Variants in TICRR observed in about 807,000 individuals in gnomAD.
TICRR encodes the protein TOPBP1 interacting checkpoint and replication regulator, also known as treslin.
In TICRR, 132 loss-of-function variants were observed where a neutral mutation model predicts 178.1. The ratio of observed to expected loss-of-function variants is 0.74; its 90% CI spans 0.64 to 0.86. The LOEUF is 0.86. Among genes scored for constraint, TICRR ranks in the 40% least tolerant of loss-of-function variants. The probability of loss-of-function intolerance (pLI) is 0.00; values close to 1 mark genes in which losing one functional copy is unlikely to be tolerated. For synonymous variants in TICRR, 991 were observed against 900.7 expected (o/e 1.10, Z -1.79); for missense variants, 2,587 against 2,334.3 (o/e 1.11, Z -2.23).
chr15:89,599,553 CT>C, intron 8 of TICRR, 78 bp downstream of exon 8: 1 of 1,427,986 alleles, frequency 7.0e-7, no homozygotes, highest in African/African-American at 1.4e-5. Context: ...TGGTTAGTGT[CT>C]TGGAAAATGT....
At chr15:89,579,189 A>G (rs144962865) in intron 1 of TICRR, among the ~76,000 whole-genome samples, 3 of 152,356 alleles carry the variant, frequency 2.0e-5, no homozygotes, top group African/African-American at 7.2e-5. Context: ...CTAAGGAATC[A>G]AATAGATGTG....
chr15:89,614,860 A>C (rs191486357), intron 15 of TICRR, among the ~76,000 whole-genome samples: 1 of 152,146 alleles, frequency 6.6e-6, no homozygotes, highest in African/African-American at 2.4e-5. Context: ...CACAGCCCCT[A>C]CTGAGGGGCT....
intron 13 of TICRR, among the ~76,000 whole-genome samples, chr15:89,606,171 G>A (rs1057046934): frequency 3.9e-5 from 6 of 152,156 alleles, no homozygotes; most frequent in East Asian, 1.9e-4. Context: ...ATGCAGATCC[G>A]TTATATACAT....
chr15:89,595,175 C>T (rs8037793), intron 6 of TICRR, among the ~76,000 whole-genome samples: 127,138 of 152,184 alleles, frequency 0.84, 53,686 homozygotes, highest in Non-Finnish European at 0.92. Context: ...AATCCAATCA[C>T]ATTGAGATGT....
chr15:89,617,939 G>A (rs868072049), intron 16 of TICRR: 23 of 572,032 alleles, frequency 4.0e-5, no homozygotes, highest in Middle Eastern at 4.7e-4. Flanking sequence ...TGATCCGCCC[G>A]CCTTAGCCTC....
At chr15:89,626,294 A>T (rs1963524986) in intron 21 of TICRR, among the ~76,000 whole-genome samples, 1 of 152,160 alleles carries the variant, frequency 6.6e-6, no homozygotes. Flanking sequence ...TCCTCCTGAA[A>T]ATGTTGACAG....
At chr15:89,591,127 T>TTGTG (rs139343320) in intron 4 of TICRR, among the ~76,000 whole-genome samples, 4 of 151,836 alleles carry the variant, frequency 2.6e-5, no homozygotes, top group Admixed American at 2.0e-4. Flanking sequence ...AAGCCAATTT[T>TTGTG]TGTGTGTGTG....
Position 89,575,849 on chromosome 15 carries a change from C to G in TICRR, c.263C>G (p.Ala88Gly). 3 of 1,586,630 alleles carry G rather than the reference C, an allele frequency of 1.9e-6. No homozygotes were observed. The highest frequency in any genetic ancestry group is 2.6e-6 in the Non-Finnish European group (3 of 1,169,120). ...EELEARLEDRAHLPGPAPRAT... is the reference protein window; with the variant it reads ...EELEARLEDRGHLPGPAPRAT... ...CTGGAGGCCAGGCTCGAGGATCGCGCCCACCTGCCCGGCCCGGCGCCCAGG... is the reference window on the plus strand; with the variant it reads ...CTGGAGGCCAGGCTCGAGGATCGCGGCCACCTGCCCGGCCCGGCGCCCAGG... The change falls in exon 1 of 22, where the codon GCC becomes GGC. Residue 88 changes from alanine (A) to glycine (G), a missense_variant. Ala to Gly is a moderately conservative substitution (Grantham distance 60, BLOSUM62 0). Coordinates refer to ENST00000268138, the MANE Select transcript of TICRR (RefSeq NM_152259.4).
intron 7 of TICRR, among the ~76,000 whole-genome samples, chr15:89,597,688 T>A (rs1963021603): frequency 2.0e-5 from 3 of 152,214 alleles, no homozygotes; most frequent in Non-Finnish European, 2.9e-5. Context: ...CCTCAAACTT[T>A]GTTTTTCTCA....
chr15:89,618,206 A>G lies in TICRR; in HGVS notation c.3015A>G (p.Gly1005=). The change falls in exon 17 of 22, where the codon GGA becomes GGG. Residue 1005 remains glycine (G), a synonymous_variant. Coordinates refer to ENST00000268138, the MANE Select transcript of TICRR (RefSeq NM_152259.4). ...TTGTTGAAGAGTCCCCTGAAAAAGGAGATGGTGAGTGTTATCTCTTTTTGT... is the reference window on the plus strand; with the variant it reads ...TTGTTGAAGAGTCCCCTGAAAAAGGGGATGGTGAGTGTTATCTCTTTTTGT... The part of the protein sequence containing the change: ...IGVVEESPEK[G]DEISLRRSPR... 6.2e-7 allele frequency: 1 copy of G among 1,614,062 alleles called. No homozygotes were observed. Among genetic ancestry groups the G allele is most frequent in the Non-Finnish European group, 8.5e-7 (1 of 1,179,930 alleles).
intron 15 of TICRR, among the ~76,000 whole-genome samples, chr15:89,609,577 C>T (rs945270101): frequency 2.6e-5 from 4 of 152,008 alleles, no homozygotes; most frequent in Non-Finnish European, 5.9e-5. Flanking sequence ...CAGGTTCAAG[C>T]GCTTCTCCTA....
intron 5 of TICRR, among the ~76,000 whole-genome samples, chr15:89,593,240 G>A (rs546189697): frequency 5.3e-5 from 8 of 152,252 alleles, no homozygotes; most frequent in African/African-American, 1.4e-4. Context: ...TGAGTCATCC[G>A]ATCCATGAAC....
At chr15:89,598,690 A>C (rs11858424) in intron 7 of TICRR, among the ~76,000 whole-genome samples, 125,581 of 152,058 alleles carry the variant, frequency 0.83, 52,644 homozygotes, top group Non-Finnish European at 0.92. Context: ...TTAACACTTA[A>C]ACTTGGTATA....
In TICRR at chr15:89,592,109, G is replaced by A. The variant is rs543229764; in HGVS notation, c.1474G>A (p.Val492Ile). Residue 492 changes from valine (V) to isoleucine (I), a missense_variant, in exon 5 of 22, where the codon GTT becomes ATT. Physicochemically the swap from Val to Ile is conservative, Grantham distance 29. Transcript: ENST00000268138. ...CCACACCACTCCCTGGAGTCCAGCT[G>A]TTGTGGAAAAGTGGTTTCCTTTCTG... ...LGHTTPWSPA[V>I]VEKWFPFCNI... 2.5e-6 allele frequency: 4 copies of A among 1,612,650 alleles called. No homozygotes were observed. Among genetic ancestry groups the A allele is most frequent in the South Asian group, 1.1e-5 (1 of 91,006 alleles).
chr15:89,601,354 A>G lies in TICRR; in HGVS notation c.2210A>G (p.Asn737Ser). 6.2e-7 allele frequency: 1 copy of G among 1,614,200 alleles called. No homozygotes were observed. Among genetic ancestry groups the G allele is most frequent in the Non-Finnish European group, 8.5e-7 (1 of 1,180,044 alleles). Residue 737 changes from asparagine (N) to serine (S), a missense_variant, in exon 10 of 22, where the codon AAT becomes AGT. By Grantham distance (46) the Asn-to-Ser change is conservative. Transcript: ENST00000268138. Reference protein sequence around the residue: ...LEMCLQCPSINESTDDMEQVV... With the variant: ...LEMCLQCPSISESTDDMEQVV... ...ATGTGTCTGCAATGCCCTTCAATAA[A>G]TGAAAGTACAGATGATATGGAACAA... is the stretch of plus-strand genomic sequence containing the variant.
rs961843911 is a variant in TICRR, at chr15:89,611,282, AT to A, written c.2869+2342del. On this transcript the variant is annotated intron_variant, in intron 15 of 21. Transcript: ENST00000268138. Reference sequence around the variant, plus strand: ...AAGGACATAGAATTTTTGGTTGACAATTTTTTTTTCCCCCTTCAGGACTTCA... The same window carrying A: ...AAGGACATAGAATTTTTGGTTGACAATTTTTTTTCCCCCTTCAGGACTTCA... 1.8e-4 allele frequency among the ~76,000 whole-genome samples: 28 copies of A among 151,496 alleles called. 1 individual carries two copies. The highest frequency in any genetic ancestry group is 3.0e-4 in the Non-Finnish European group (20 of 67,770).
At chr15:89,617,905 T>G in intron 16 of TICRR, 1 of 435,530 alleles carries the variant, frequency 2.3e-6, no homozygotes, top group South Asian at 2.9e-5. Context: ...TTGGCCAGAC[T>G]GGTCTCGAAC....
chr15:89,579,052 G>A (rs750870496), intron 1 of TICRR, among the ~76,000 whole-genome samples: 14 of 152,118 alleles, frequency 9.2e-5, no homozygotes, highest in Admixed American at 2.6e-4. Flanking sequence ...GGATCCAAGC[G>A]CATAAAACAG....
At chr15:89,603,861 G>A (rs56405819) in intron 13 of TICRR, among the ~76,000 whole-genome samples, 18,483 of 152,088 alleles carry the variant, frequency 0.12, 1,415 homozygotes, top group Non-Finnish European at 0.18. Flanking sequence ...TATAATAAAA[G>A]TTATGTGAAT....
Sources: gnomAD v4.1 joint callset for allele counts (sites outside exome capture counted in the v4.1 genomes callset) on GRCh38, gnomAD v4.1.1 for gene constraint, MANE v1.5 for transcripts, NCBI Gene and HGNC (gene_info 2026-07-23, HGNC 2026-07-21) for gene names.